KMT5A: variants seen among roughly 807,000 people sequenced by gnomAD.
KMT5A encodes N-lysine methyltransferase KMT5A.
A neutral mutation model predicts 40.6 loss-of-function variants in KMT5A; 6 were observed. The ratio of observed to expected loss-of-function variants is 0.15; its 90% confidence interval spans 0.08 to 0.29. The LOEUF (loss-of-function observed/expected upper bound fraction) is 0.29. Among genes scored for constraint, KMT5A ranks in the 10% least tolerant of loss-of-function variants. The probability of loss-of-function intolerance (pLI) is 1.00; values close to 1 mark genes in which losing one functional copy is unlikely to be tolerated. For missense variants in KMT5A, 308 were observed against 459.1 expected, an observed-to-expected ratio of 0.67 and a Z score of 3.01; for synonymous variants, 153 against 178.8, an observed-to-expected ratio of 0.86 and a Z score of 1.15.
intron 5 of KMT5A, among the ~76,000 whole-genome samples, chr12:123,400,319 GC>G (rs1878054034): frequency 6.6e-6 from 1 of 151,410 alleles, no homozygotes; most frequent in South Asian, 2.1e-4. Context: ...ACAGGCGTGA[GC>G]CACCGTGCCC....
chr12:123,394,920 A>G (rs1877577834), intron 3 of KMT5A, 127 bp from the exon 4 acceptor site: 3 of 849,722 alleles, frequency 3.5e-6, no homozygotes, highest in Admixed American at 2.6e-5. Context: ...TTAACAGGCC[A>G]AGGGCACTCC....
intron 3 of KMT5A, chr12:123,391,065 GAGGCTCACA>G: frequency 2.5e-6 from 1 of 395,358 alleles, no homozygotes; most frequent in South Asian, 2.7e-5. Flanking sequence ...CACAATTAGA[GAGGCTCACA>G]AGTGCTGAAA....
Position 123,395,124 on chromosome 12 carries a change from C to A in KMT5A, c.367C>A (p.Pro123Thr), listed in dbSNP as rs746515443. 85 of 1,606,486 alleles carry A rather than the reference C, an allele frequency of 5.3e-5. No individual in the cohort carries two copies. The highest frequency in any genetic ancestry group is 7.0e-5 in the Non-Finnish European group (82 of 1,176,396). Residue 123 changes from proline (P) to threonine (T), a missense_variant, in exon 4 of 8, where the codon CCC becomes ACC. Transcript: ENST00000402868. ...GAAGATCAAAGACGCCAGGAAAGGTCCCCTGGTACCTTTTCCAAACCAAAA... is the reference window on the plus strand; with the variant it reads ...GAAGATCAAAGACGCCAGGAAAGGTACCCTGGTACCTTTTCCAAACCAAAA... ...EQKIKDARKG[P>T]LVPFPNQKSE... is the part of the protein sequence containing the mutation.
chr12:123,384,243 G>T lies in KMT5A; in HGVS notation c.10+35G>T, dbSNP rs769593914. ...CAAGTGGCCGGCACCGGAGCGGCTG[G>T]GTCGGGGGTCGTGCTGGAGGGGTTG... On this transcript the variant is annotated intron_variant, in intron 1 of 7. Coordinates refer to ENST00000402868, the MANE Select transcript of KMT5A (RefSeq NM_020382.7). This position sits in a 1 kb window ranked among gnomAD's most constrained non-coding sequence, Gnocchi z 5.7. 2.5e-6 allele frequency: 4 copies of T among 1,610,978 alleles called. No homozygotes were observed. Among genetic ancestry groups the T allele is most frequent in the South Asian group, 2.2e-5 (2 of 90,814 alleles).
At chr12:123,386,983 A>G (rs938070267) in intron 1 of KMT5A, among the ~76,000 whole-genome samples, 1 of 152,086 alleles carries the variant, frequency 6.6e-6, no homozygotes, top group African/African-American at 2.4e-5. Context: ...CAGCCTCCCA[A>G]GTAGCTGGGA....
intron 1 of KMT5A, chr12:123,389,196 GC>G (rs1207425935): frequency 1.5e-5 from 2 of 132,984 alleles, no homozygotes; most frequent in East Asian, 4.8e-4. Context: ...GGTGTGTCGG[GC>G]CCGGCCGCGC....
chr12:123,396,760 T>C (rs553052577), intron 5 of KMT5A, among the ~76,000 whole-genome samples: 2 of 152,296 alleles, frequency 1.3e-5, no homozygotes, highest in Non-Finnish European at 2.9e-5. Flanking sequence ...AGCCTGGGAC[T>C]GTGGGAAAGG....
intron 7 of KMT5A, among the ~76,000 whole-genome samples, chr12:123,406,732 A>G (rs1278618275): frequency 2.6e-5 from 4 of 151,976 alleles, no homozygotes; most frequent in Non-Finnish European, 4.4e-5. Context: ...AGGCTCTCAA[A>G]AATAGCTTTG....
chr12:123,396,200 C>T lies in KMT5A; in HGVS notation c.510-145C>T, dbSNP rs555353929. The T allele has an allele frequency of 1.1e-4, 78 of 693,492 alleles. No homozygotes were observed. In the East Asian group the frequency reaches 1.6e-3, roughly 14 times the overall value. 43.0% of individuals were successfully genotyped at this position (693,492 alleles called of 1,614,324 possible). The stretch of plus-strand genomic sequence containing the variant: ...CCCTCATGGGCAGGTGACTGAGTGA[C>T]CTGCAGGCTCCAGTGGACAAAGGTG... On this transcript the variant is annotated intron_variant, in intron 4 of 7. Coordinates refer to ENST00000402868, the MANE Select transcript of KMT5A (RefSeq NM_020382.7).
intron 4 of KMT5A, among the ~76,000 whole-genome samples, chr12:123,395,971 G>A (rs1457134535): frequency 1.3e-5 from 2 of 152,058 alleles, no homozygotes; most frequent in Non-Finnish European, 2.9e-5. Context: ...TCAGCCTCCC[G>A]AGTAGTTGGG....
chr12:123,386,938 C>G (rs1876908423), intron 1 of KMT5A, among the ~76,000 whole-genome samples: 1 of 152,062 alleles, frequency 6.6e-6, no homozygotes, highest in South Asian at 2.1e-4. Context: ...TCACTGCAAA[C>G]TCCACCCCCC....
chr12:123,385,124 C>T (rs935095862), intron 1 of KMT5A, among the ~76,000 whole-genome samples: 1 of 151,886 alleles, frequency 6.6e-6, no homozygotes, highest in Non-Finnish European at 1.5e-5. Flanking sequence ...GTGCAGTATG[C>T]TCCCTATAGC....
chr12:123,387,411 CA>C (rs1281719421), intron 1 of KMT5A, among the ~76,000 whole-genome samples: 1 of 152,196 alleles, frequency 6.6e-6, no homozygotes, highest in East Asian at 1.9e-4. Flanking sequence ...CTTCCTGCTC[CA>C]AAACCATGAT....
intron 5 of KMT5A, among the ~76,000 whole-genome samples, chr12:123,401,736 C>T (rs1878198469): frequency 6.6e-6 from 1 of 151,950 alleles, no homozygotes; most frequent in South Asian, 2.1e-4. Flanking sequence ...TGTGTGCCAC[C>T]ACGCCCAGCT....
chr12:123,390,837 A>C (rs1194795984), intron 3 of KMT5A, 51 bp downstream of exon 3: 1 of 1,595,378 alleles, frequency 6.3e-7, no homozygotes, highest in Admixed American at 1.8e-5. Context: ...GGGTTGCAGA[A>C]GCCTCTGTCC....
At chr12:123,392,968 C>G (rs1240239176) in intron 3 of KMT5A, among the ~76,000 whole-genome samples, 1 of 152,126 alleles carries the variant, frequency 6.6e-6, no homozygotes, top group Non-Finnish European at 1.5e-5. Context: ...CCTCCATCTC[C>G]CGGGTTCAAG....
At chr12:123,385,453 C>T (rs1366559062) in intron 1 of KMT5A, among the ~76,000 whole-genome samples, 1 of 152,170 alleles carries the variant, frequency 6.6e-6, no homozygotes, top group Admixed American at 6.5e-5. Flanking sequence ...GTTCATTTTT[C>T]TCATCACAGC....
Position 123,394,521 on chromosome 12 carries a change from G to A in KMT5A, c.290-526G>A, listed in dbSNP as rs60580570. On this transcript the variant is annotated intron_variant, in intron 3 of 7. Coordinates refer to ENST00000402868, the MANE Select transcript of KMT5A (RefSeq NM_020382.7). ...TTGCAGTGTGTCTCCCGATACCCAG[G>A]CCAGTCTGCTGGGGCACCATGCTGA... Among the ~76,000 whole-genome samples the A allele has an allele frequency of 1.4e-3, 207 of 152,250 alleles. 1 individual carries two copies. The highest frequency in any genetic ancestry group is 4.7e-3 in the African/African-American group (197 of 41,554).
rs556748662 is a variant in KMT5A at position 123,398,559 on chromosome 12, C to G, written c.597+2127C>G. Reference sequence around the variant, plus strand: ...TGAGCAGAAGGGAAGAACACACTTGCTTCCCTAAAGCACAGTCTGCAAACA... The same window carrying G: ...TGAGCAGAAGGGAAGAACACACTTGGTTCCCTAAAGCACAGTCTGCAAACA... On this transcript the variant is annotated intron_variant, in intron 5 of 7. Transcript: ENST00000402868. 1.2e-4 allele frequency among the ~76,000 whole-genome samples: 18 copies of G among 152,356 alleles called. No homozygotes were observed. The South Asian group carries it at 2.5e-3, about 21-fold the overall frequency.
Sources: allele counts gnomAD v4.1 joint callset (sites outside exome capture counted in the v4.1 genomes callset), GRCh38; gene constraint gnomAD v4.1.1; non-coding constraint Gnocchi (gnomAD v3.1); transcripts MANE v1.5; gene names NCBI Gene and HGNC (gene_info 2026-07-23, HGNC 2026-07-21).